DST: variants seen among roughly 807,000 people sequenced by gnomAD.
DST encodes dystonin, also known as bullous pemphigoid antigen.
A neutral mutation model predicts 875.2 loss-of-function variants in DST; 253 were observed. The observed-to-expected ratio is 0.29, with a 90% confidence interval of 0.26 to 0.32. The LOEUF is 0.32. DST is among the 10% of genes least tolerant of loss of function. DST has a pLI of 1.00. For missense variants in DST, 8,287 were observed against 9,111.6 expected (o/e 0.91, Z 3.68); for synonymous variants, 3,124 against 3,197.1 (o/e 0.98, Z 0.77).
chr6:56,897,333 T>C (rs565856493), intron 3 of DST, among the ~76,000 whole-genome samples: 1 of 151,286 alleles, frequency 6.6e-6, no homozygotes, highest in South Asian at 2.1e-4. Context: ...TATTTATTTA[T>C]TTATTTATTT....
chr6:56,831,361 A>T (rs1469014753), intron 4 of DST, among the ~76,000 whole-genome samples: 1 of 152,232 alleles, frequency 6.6e-6, no homozygotes, highest in Non-Finnish European at 1.5e-5. Context: ...TTGTGATAAT[A>T]CTTTTCCTAG....
At chr6:56,901,868 G>C (rs964934804) in intron 2 of DST, among the ~76,000 whole-genome samples, 2 of 152,042 alleles carry the variant, frequency 1.3e-5, no homozygotes, top group African/African-American at 2.4e-5. Context: ...AAATAGTCTT[G>C]GTCCTCATGG....
At chr6:56,843,257 C>A in intron 4 of DST, 1 of 1,284,916 alleles carries the variant, frequency 7.8e-7, no homozygotes. Flanking sequence ...GAGGAAGGAG[C>A]AGCACGCTGG....
At position 56,763,299 on chromosome 6, in the gene DST, A is replaced by G. The variant is rs541744052; in HGVS notation, c.626-28010T>C. On this transcript the variant is annotated intron_variant, in intron 4 of 103. Transcript: ENST00000680361. ...CCTTCTCTTCCTGATCACTTACCTA[A>G]TAAGTCAAAGCGCTGCTTCTTTATG... Among the ~76,000 whole-genome samples the G allele has an allele frequency of 3.9e-5, 6 of 152,254 alleles. No individual in the cohort carries two copies. The South Asian group carries it at 1.2e-3, about 32-fold the overall frequency.
chr6:56,637,903 A>G (rs989329711), intron 22 of DST, among the ~76,000 whole-genome samples: 2 of 152,174 alleles, frequency 1.3e-5, no homozygotes, highest in African/African-American at 2.4e-5. Context: ...ATATCTGGCA[A>G]CATATCATGA....
At chr6:56,823,985 TCCTCTGCCTCTG>T (rs201469404) in intron 4 of DST, among the ~76,000 whole-genome samples, 1 of 152,046 alleles carries the variant, frequency 6.6e-6, no homozygotes, top group Non-Finnish European at 1.5e-5. Flanking sequence ...ATAAAAAATA[TCCTCTGCCTCTG>T]CCTCTGCCTC....
At chr6:56,942,428 T>C (rs573586243) in intron 2 of DST, among the ~76,000 whole-genome samples, 150 of 152,282 alleles carry the variant, frequency 9.9e-4, no homozygotes, top group Non-Finnish European at 1.9e-3. Flanking sequence ...TTCAGGTCAT[T>C]TGGATATGTT....
At chr6:56,810,625 A>G (rs188478547) in intron 4 of DST, among the ~76,000 whole-genome samples, 1 of 152,250 alleles carries the variant, frequency 6.6e-6, no homozygotes, top group East Asian at 1.9e-4. Context: ...CAGATGTAAC[A>G]TAATGCAAAC....
At chr6:56,816,511 T>C (rs2099766681) in intron 4 of DST, among the ~76,000 whole-genome samples, 1 of 152,220 alleles carries the variant, frequency 6.6e-6, no homozygotes, top group Non-Finnish European at 1.5e-5. Context: ...AGCACACTTA[T>C]CTTTGTCCCT....
chr6:56,656,223 C>A (rs1484465437), intron 10 of DST, among the ~76,000 whole-genome samples: 1 of 152,250 alleles, frequency 6.6e-6, no homozygotes, highest in Non-Finnish European at 1.5e-5. Context: ...CAAGCACACA[C>A]CCTTTCGAGG....
Position 56,761,022 on chromosome 6 carries a change from G to A in DST, c.626-25733C>T, listed in dbSNP as rs1358086712. Reference sequence around the variant, plus strand: ...ACTAAAGTAACTGTGTTAGAGTTCTGAGACTAGGTCATAAAAAGCAATGTG... The same window carrying A: ...ACTAAAGTAACTGTGTTAGAGTTCTAAGACTAGGTCATAAAAAGCAATGTG... On this transcript the variant is annotated intron_variant, in intron 4 of 103. Coordinates refer to ENST00000680361, the MANE Select transcript of DST (RefSeq NM_001374736.1). Among the ~76,000 whole-genome samples, 7 of 152,316 alleles carry A rather than the reference G, an allele frequency of 4.6e-5. No individual in the cohort carries two copies. In the East Asian group the frequency reaches 1.3e-3, roughly 29 times the overall value.
chr6:56,764,268 A>C (rs889030326), intron 4 of DST, among the ~76,000 whole-genome samples: 4 of 152,238 alleles, frequency 2.6e-5, no homozygotes, highest in African/African-American at 9.6e-5. Flanking sequence ...ACCAACAAGC[A>C]AAGCAACAAG....
chr6:56,569,278 T>C (rs2097736472), intron 54 of DST, among the ~76,000 whole-genome samples: 1 of 135,400 alleles, frequency 7.4e-6, no homozygotes, highest in Non-Finnish European at 1.5e-5. Context: ...TGAGCCAAGA[T>C]CACACCACTG....
intron 77 of DST, 22 bp from the exon 78 acceptor site, chr6:56,504,120 G>A (rs184296064): frequency 5.9e-5 from 90 of 1,535,982 alleles, no homozygotes; most frequent in Middle Eastern, 3.4e-4. Context: ...ATTCGCCCAC[G>A]TGTTGTTACA....
intron 49 of DST, among the ~76,000 whole-genome samples, chr6:56,579,265 C>T (rs1305989930): frequency 6.6e-6 from 1 of 152,074 alleles, no homozygotes; most frequent in Non-Finnish European, 1.5e-5. Flanking sequence ...TTGTACAATA[C>T]CCCAACTACT....
intron 72 of DST, among the ~76,000 whole-genome samples, chr6:56,512,290 C>T (rs1336499508): frequency 3.3e-5 from 5 of 152,050 alleles, no homozygotes; most frequent in African/African-American, 4.8e-5. Flanking sequence ...TCCCCATTCC[C>T]TTTAATAGAG....
At chr6:56,508,158 G>T (rs569322420) in intron 75 of DST, among the ~76,000 whole-genome samples, 6 of 151,858 alleles carry the variant, frequency 4.0e-5, no homozygotes, top group African/African-American at 1.5e-4. Flanking sequence ...CTTCACCCTC[G>T]AACTAGCTGG....
intron 3 of DST, among the ~76,000 whole-genome samples, chr6:56,878,072 C>T (rs1780324852): frequency 6.6e-6 from 1 of 152,140 alleles, no homozygotes; most frequent in Non-Finnish European, 1.5e-5. Flanking sequence ...CAAATGTACG[C>T]AATGCCCTGT....
chr6:56,677,891 C>A (rs2099138404), intron 9 of DST, among the ~76,000 whole-genome samples: 1 of 152,174 alleles, frequency 6.6e-6, no homozygotes, highest in Non-Finnish European at 1.5e-5. Context: ...TAAACAAAGT[C>A]TCATGTCTTC....
Sources: allele counts gnomAD v4.1 joint callset (sites outside exome capture counted in the v4.1 genomes callset), GRCh38; gene constraint gnomAD v4.1.1; transcripts MANE v1.5; gene names NCBI Gene and HGNC (gene_info 2026-07-23, HGNC 2026-07-21).